LRRC4C: variants seen among roughly 807,000 people sequenced by gnomAD.
The protein encoded by LRRC4C is leucine rich repeat containing 4C, also known as leucine-rich repeat-containing protein 4C.
Under a neutral mutation model 33.6 loss-of-function variants are expected in LRRC4C, and 5 were observed. The observed-to-expected ratio is 0.15, with a 90% CI of 0.08 to 0.31. The LOEUF is 0.31. LRRC4C is among the 10% of genes least tolerant of loss of function. LRRC4C has a pLI of 1.00. For missense variants in LRRC4C, 560 were observed against 796.7 expected (o/e 0.70, Z 3.58); for synonymous variants, 329 against 302.0 (o/e 1.09, Z -0.93).
chr11:41,245,062 C>T (rs556329830), intron 1 of LRRC4C, among the ~76,000 whole-genome samples: 2 of 152,294 alleles, frequency 1.3e-5, no homozygotes, highest in South Asian at 2.1e-4. Context: ...CATCCTGAGA[C>T]GTTGGTTATG....
chr11:40,822,959 T>C, intron 2 of LRRC4C, among the ~76,000 whole-genome samples: 1 of 151,758 alleles, frequency 6.6e-6, no homozygotes, highest in East Asian at 1.9e-4. Flanking sequence ...AATCTTGGTA[T>C]CTTATTGAAA....
intron 3 of LRRC4C, among the ~76,000 whole-genome samples, chr11:40,356,972 C>G (rs992905151): frequency 3.3e-5 from 5 of 152,044 alleles, no homozygotes; most frequent in African/African-American, 1.2e-4. Context: ...GTAACTTGTT[C>G]AAGGTCACAA....
rs1368794631 is a variant in LRRC4C, at chr11:40,860,016, G to T, written c.-407+73619C>A. ...CAGGAGAATGGCGTGAACCCGGGAGGCGGAGGTTGCAGTGAGCCGAGATTG... is the reference window on the plus strand; with the variant it reads ...CAGGAGAATGGCGTGAACCCGGGAGTCGGAGGTTGCAGTGAGCCGAGATTG... On this transcript the variant is annotated intron_variant, in intron 2 of 6. Transcript: ENST00000528697. Among the ~76,000 whole-genome samples the T allele has an allele frequency of 2.6e-5, 4 of 151,984 alleles. No homozygotes were observed. In the East Asian group the frequency reaches 5.8e-4, roughly 22 times the overall value.
At chr11:41,153,240 G>A (rs1013294321) in intron 1 of LRRC4C, among the ~76,000 whole-genome samples, 1 of 152,074 alleles carries the variant, frequency 6.6e-6, no homozygotes, top group Non-Finnish European at 1.5e-5. Context: ...ACTTTGTGCT[G>A]CCATAGCCTC....
At chr11:40,587,882 A>G (rs1399797293) in intron 3 of LRRC4C, among the ~76,000 whole-genome samples, 1 of 152,076 alleles carries the variant, frequency 6.6e-6, no homozygotes, top group Non-Finnish European at 1.5e-5. Context: ...TTTTGCCACT[A>G]TTTTATTGAG....
intron 1 of LRRC4C, among the ~76,000 whole-genome samples, chr11:41,042,267 A>T (rs1394813256): frequency 6.6e-6 from 1 of 152,164 alleles, no homozygotes; most frequent in Non-Finnish European, 1.5e-5. Flanking sequence ...AAGACCTTCC[A>T]TGAGACTAGA....
intron 1 of LRRC4C, among the ~76,000 whole-genome samples, chr11:41,297,225 G>C (rs1950168211): frequency 6.6e-6 from 1 of 152,120 alleles, no homozygotes. Context: ...TACACACCAG[G>C]AATAAACCCC....
chr11:41,245,063 G>A (rs76585052), intron 1 of LRRC4C, among the ~76,000 whole-genome samples: 6,509 of 152,226 alleles, frequency 0.043, 178 homozygotes, highest in South Asian at 0.066. Context: ...ATCCTGAGAC[G>A]TTGGTTATGT....
At chr11:40,414,912 G>A (rs1035079063) in intron 3 of LRRC4C, among the ~76,000 whole-genome samples, 5 of 152,204 alleles carry the variant, frequency 3.3e-5, no homozygotes, top group African/African-American at 9.6e-5. Context: ...AAAACCCCAC[G>A]AGGAGCGGAA....
intron 1 of LRRC4C, among the ~76,000 whole-genome samples, chr11:41,170,162 A>G (rs1270696828): frequency 1.3e-5 from 2 of 152,102 alleles, no homozygotes; most frequent in Admixed American, 1.3e-4. Context: ...AAGATAGACT[A>G]GATATTTTTA....
chr11:41,228,297 A>C (rs1054212036), intron 1 of LRRC4C, among the ~76,000 whole-genome samples: 3 of 152,118 alleles, frequency 2.0e-5, no homozygotes, highest in African/African-American at 7.2e-5. Flanking sequence ...AGAGATAGAC[A>C]GACAATCTAT....
intron 3 of LRRC4C, among the ~76,000 whole-genome samples, chr11:40,619,855 C>T (rs1219196343): frequency 1.3e-5 from 2 of 150,736 alleles, no homozygotes; most frequent in African/African-American, 4.9e-5. Flanking sequence ...GGGTGAAGTA[C>T]TGGAGAATGC....
intron 3 of LRRC4C, among the ~76,000 whole-genome samples, chr11:40,504,195 T>A (rs1302017832): frequency 6.6e-6 from 1 of 152,130 alleles, no homozygotes; most frequent in African/African-American, 2.4e-5. Context: ...TGGCATTTTG[T>A]AAAATATAAA....
intron 1 of LRRC4C, among the ~76,000 whole-genome samples, chr11:41,093,676 G>T (rs1940592951): frequency 6.6e-6 from 1 of 151,760 alleles, no homozygotes; most frequent in Non-Finnish European, 1.5e-5. Context: ...CTCTTACTGG[G>T]TTCCCCATTG....
intron 3 of LRRC4C, among the ~76,000 whole-genome samples, chr11:40,439,653 C>T (rs1165550042): frequency 6.6e-6 from 1 of 151,910 alleles, no homozygotes; most frequent in Middle Eastern, 3.2e-3. Context: ...GGGGTTTCAC[C>T]ACCTTGGCCA....
intron 2 of LRRC4C, among the ~76,000 whole-genome samples, chr11:40,777,159 A>G (rs1015728972): frequency 1.3e-5 from 2 of 152,198 alleles, no homozygotes; most frequent in African/African-American, 4.8e-5. Flanking sequence ...GCTCAATCTT[A>G]GAGTATGTTC....
At chr11:40,628,901 T>A (rs770205881) in intron 3 of LRRC4C, among the ~76,000 whole-genome samples, 1 of 152,206 alleles carries the variant, frequency 6.6e-6, no homozygotes, top group Non-Finnish European at 1.5e-5. Flanking sequence ...TTTTCTTATA[T>A]AATTATGCTT....
chr11:41,062,764 T>G (rs1328728182), intron 1 of LRRC4C, among the ~76,000 whole-genome samples: 1 of 152,156 alleles, frequency 6.6e-6, no homozygotes, highest in African/African-American at 2.4e-5. Flanking sequence ...ATGCCGGAAT[T>G]GGCTAGGCCA....
chr11:40,396,705 G>T, intron 3 of LRRC4C, among the ~76,000 whole-genome samples: 1 of 152,102 alleles, frequency 6.6e-6, no homozygotes, highest in Middle Eastern at 3.4e-3. Flanking sequence ...AATAATAAAG[G>T]AAATAACATA....
Sources: gnomAD v4.1 joint callset for allele counts (sites outside exome capture counted in the v4.1 genomes callset) on GRCh38, gnomAD v4.1.1 for gene constraint, MANE v1.5 for transcripts, NCBI Gene and HGNC (gene_info 2026-07-23, HGNC 2026-07-21) for gene names.